BABAM1: variants seen among roughly 807,000 people sequenced by gnomAD.
The protein encoded by BABAM1 is BRISC and BRCA1 A complex member 1, also known as BRISC and BRCA1-A complex member 1.
A neutral mutation model predicts 34.4 loss-of-function variants in BABAM1; 14 were observed. That is an observed-to-expected ratio of 0.41 (90% CI 0.27 to 0.64). BABAM1 has a LOEUF of 0.64. Among genes scored for constraint, BABAM1 ranks in the 30% least tolerant of loss-of-function variants. The pLI, the probability that BABAM1 is intolerant of heterozygous loss-of-function variation, is 0.34. For synonymous variants in BABAM1, 169 were observed against 165.8 expected, an observed-to-expected ratio of 1.02 and a Z score of -0.15; for missense variants, 393 against 434.0, an observed-to-expected ratio of 0.91 and a Z score of 0.84.
Position 17,271,728 on chromosome 19 carries a change from T to A in BABAM1, c.344+73T>A. The A allele has an allele frequency of 3.3e-6, 5 of 1,515,286 alleles. No homozygotes were observed. In the East Asian group the frequency reaches 1.2e-4, roughly 35 times the overall value. 93.9% of individuals were successfully genotyped at this position (1,515,286 alleles called of 1,614,324 possible). On this transcript the variant is annotated intron_variant, in intron 3 of 8. Transcript: ENST00000598188. The stretch of plus-strand genomic sequence containing the variant: ...GTCCAGCCCAAAAGATACGGGGCTC[T>A]CACTCTGAAACTCACACCAGCTTGG...
Position 17,276,582 on chromosome 19 carries a change from T to C in BABAM1, c.657T>C (p.Arg219=). 1 of 1,606,672 alleles carries C rather than the reference T, an allele frequency of 6.2e-7. No homozygotes were observed. Among genetic ancestry groups the C allele is most frequent in the Non-Finnish European group, 8.5e-7 (1 of 1,176,784 alleles). The part of the protein sequence containing the change: ...YVVRTILVYS[R]PPCQPQFSLT... ...TCCGCACCATCCTTGTCTACAGCCGTCCACCTTGCCAGCCCCAGTTCTCCT... is the reference window on the plus strand; with the variant it reads ...TCCGCACCATCCTTGTCTACAGCCGCCCACCTTGCCAGCCCCAGTTCTCCT... Residue 219 remains arginine (R), a synonymous_variant, in exon 7 of 9, where the codon CGT becomes CGC. Transcript: ENST00000598188.
At chr19:17,277,202 C>A in intron 8 of BABAM1, 1 of 175,940 alleles carries the variant, frequency 5.7e-6, no homozygotes, top group Non-Finnish European at 1.1e-5. Flanking sequence ...CTTTCTTCTT[C>A]TTTTTTTTTT....
chr19:17,270,281 C>T (rs1044534688), intron 2 of BABAM1, among the ~76,000 whole-genome samples: 10 of 152,096 alleles, frequency 6.6e-5, no homozygotes, highest in African/African-American at 2.4e-4. Context: ...ATCTCCTGAC[C>T]TTGTGTTCCA....
intron 3 of BABAM1, among the ~76,000 whole-genome samples, chr19:17,273,564 G>GTTTTGTTTTTTTT (rs1555716590): frequency 1.7e-4 from 8 of 45,936 alleles, no homozygotes; most frequent in African/African-American, 5.2e-4. Context: ...TGTTTGTTTT[G>GTTTTGTTTTTTTT]TTTTTTTTTT....
chr19:17,272,102 G>T (rs909948806), intron 3 of BABAM1, among the ~76,000 whole-genome samples: 1 of 151,930 alleles, frequency 6.6e-6, no homozygotes, highest in Non-Finnish European at 1.5e-5. Context: ...CACCATGCCC[G>T]TTTAATTTTT....
At chr19:17,278,215 C>T (rs1430175487) in intron 8 of BABAM1, among the ~76,000 whole-genome samples, 1 of 152,012 alleles carries the variant, frequency 6.6e-6, no homozygotes, top group Admixed American at 6.6e-5. Flanking sequence ...AATAAAAAGT[C>T]CCTCCTCTTG....
intron 2 of BABAM1, among the ~76,000 whole-genome samples, chr19:17,270,337 C>A (rs532390298): frequency 6.6e-6 from 1 of 151,998 alleles, no homozygotes; most frequent in Non-Finnish European, 1.5e-5. Flanking sequence ...TGTTAGCCAC[C>A]GCGCCTGGCT....
In BABAM1 at chr19:17,271,597, A is replaced by G. The variant is rs757252748; in HGVS notation, c.286A>G (p.Ile96Val). 1 of 1,613,656 alleles carries G rather than the reference A, an allele frequency of 6.2e-7. No individual in the cohort carries two copies. The highest frequency in any genetic ancestry group is 1.7e-5 in the Admixed American group (1 of 59,966). Reference protein sequence around the residue: ...TPRVNCPEKVIICLDLSEEMS... With the variant: ...TPRVNCPEKVVICLDLSEEMS... ...TCACCACCCTCCAACTACCTTGCAG[A>G]TTATCTGCCTGGACCTGTCAGAGGA... Residue 96 changes from isoleucine (I) to valine (V), a missense_variant and splice_region_variant, in exon 3 of 9, where the codon ATT becomes GTT. Transcript: ENST00000598188.
At chr19:17,276,315 G>T in intron 6 of BABAM1, 180 bp from the exon 7 acceptor site, 1 of 873,142 alleles carries the variant, frequency 1.1e-6, no homozygotes, top group South Asian at 1.7e-5. Context: ...GAGGGGTGGG[G>T]CTGGGAACAT....
chr19:17,278,754 C>T (rs2073941254), intron 8 of BABAM1, 91 bp from the exon 9 acceptor site: 3 of 1,289,360 alleles, frequency 2.3e-6, no homozygotes, highest in Non-Finnish European at 3.2e-6. Context: ...CCAGATGTCC[C>T]CTCTTCTGAG....
chr19:17,271,698 G>C, intron 3 of BABAM1, 43 bp downstream of exon 3: 1 of 1,597,424 alleles, frequency 6.3e-7, no homozygotes, highest in Non-Finnish European at 8.6e-7. Context: ...GCCATGGCAG[G>C]GAGGGTCCAG....
chr19:17,273,126 G>A (rs553205977), intron 3 of BABAM1, among the ~76,000 whole-genome samples: 7 of 152,362 alleles, frequency 4.6e-5, no homozygotes, highest in African/African-American at 1.7e-4. Flanking sequence ...ACGCCAAGAA[G>A]CAAAGTGACT....
intron 3 of BABAM1, among the ~76,000 whole-genome samples, chr19:17,272,145 T>G (rs2073848474): frequency 6.6e-6 from 1 of 152,140 alleles, no homozygotes; most frequent in Non-Finnish European, 1.5e-5. Context: ...TTTGCCATGT[T>G]GGCCAGGCTG....
chr19:17,276,528 C>A lies in BABAM1; in HGVS notation c.603C>A (p.Asn201Lys), dbSNP rs765723650. ...QQKTELPVTE[N>K]VQTIPPPYVV... is the part of the protein sequence containing the mutation. ...AAACTGAGCTTCCGGTCACAGAGAA[C>A]GTGCAGACGATTCCCCCGCCATATG... is the stretch of plus-strand genomic sequence containing the variant. The change falls in exon 7 of 9, where the codon AAC (asparagine) becomes AAA (lysine). Residue 201 changes from asparagine to lysine, a missense_variant. Physicochemically the swap from Asn to Lys is moderately conservative, Grantham distance 94. Transcript: ENST00000598188. 13 of 1,594,380 alleles carry A rather than the reference C, an allele frequency of 8.2e-6. No individual in the cohort carries two copies. In the East Asian group the frequency reaches 3.0e-4, roughly 37 times the overall value.
chr19:17,272,885 G>T (rs1260119582), intron 3 of BABAM1, among the ~76,000 whole-genome samples: 1 of 152,112 alleles, frequency 6.6e-6, no homozygotes, highest in Non-Finnish European at 1.5e-5. Flanking sequence ...GGGCACGGTG[G>T]TGCGTGCCTG....
rs1298910157 is a variant in BABAM1 at position 17,276,635 on chromosome 19, C to T, written c.699+11C>T. On this transcript the variant is annotated intron_variant, in intron 7 of 8. Coordinates refer to ENST00000598188, the MANE Select transcript of BABAM1 (RefSeq NM_014173.4). ...ACGGAGCCCATGAAGGTGGGTGAGG[C>T]CTGGGAGAGGGAGGGGTGCCTGCAG... is the stretch of plus-strand genomic sequence containing the variant. 1 of 1,598,936 alleles carries T rather than the reference C, an allele frequency of 6.3e-7. No individual in the cohort carries two copies. Among genetic ancestry groups the T allele is most frequent in the Non-Finnish European group, 8.5e-7 (1 of 1,172,940 alleles).
At position 17,274,173 on chromosome 19, in the gene BABAM1, T is replaced by C. The variant is rs1418651673; in HGVS notation, c.532T>C (p.Cys178Arg). The C allele has an allele frequency of 1.9e-6, 3 of 1,613,020 alleles. No individual in the cohort carries two copies. Among genetic ancestry groups the C allele is most frequent in the Non-Finnish European group, 1.7e-6 (2 of 1,179,880 alleles). The change falls in exon 5 of 9, where the codon TGT becomes CGT. Residue 178 changes from cysteine (C) to arginine (R), a missense_variant. Coordinates refer to ENST00000598188, the MANE Select transcript of BABAM1 (RefSeq NM_014173.4). ...CCTCTATGATCTGGAGACGGCCTCC[T>C]GTTCCACCTTCAGTATCCTTCCTGG... ...SCLYDLETAS[C>R]STFNLEGLFS... is the part of the protein sequence containing the mutation.
chr19:17,277,042 T>A, intron 8 of BABAM1, 133 bp downstream of exon 8: 1 of 826,540 alleles, frequency 1.2e-6, no homozygotes, highest in Non-Finnish European at 1.9e-6. Context: ...GTCATGGCAT[T>A]GGTCATTGAA....
At chr19:17,269,543 G>A (rs2073813641) in intron 2 of BABAM1, among the ~76,000 whole-genome samples, 1 of 151,864 alleles carries the variant, frequency 6.6e-6, no homozygotes, top group South Asian at 2.1e-4. Flanking sequence ...TAGAGACAGG[G>A]TTTCACCACA....
Sources: allele counts gnomAD v4.1 joint callset (sites outside exome capture counted in the v4.1 genomes callset), GRCh38; gene constraint gnomAD v4.1.1; transcripts MANE v1.5; gene names NCBI Gene and HGNC (gene_info 2026-07-23, HGNC 2026-07-21).